Variants in WDPCP observed in about 807,000 individuals in gnomAD.
The protein encoded by WDPCP is WD repeat containing planar cell polarity effector.
In WDPCP, 71 loss-of-function variants were observed where a neutral mutation model predicts 93.1. That is an observed-to-expected ratio of 0.76 (90% CI 0.63 to 0.93). The LOEUF is 0.93. Among genes scored for constraint, WDPCP ranks in the 40% least tolerant of loss-of-function variants. The pLI is 0.00. For synonymous variants in WDPCP, 315 were observed against 315.0 expected, an observed-to-expected ratio of 1.00 and a Z score of 0.00; for missense variants, 844 against 887.4, an observed-to-expected ratio of 0.95 and a Z score of 0.62.
chr2:63,378,155 G>A (rs975997352), intron 12 of WDPCP: 10 of 533,306 alleles, frequency 1.9e-5, no homozygotes, highest in Non-Finnish European at 3.3e-5. Flanking sequence ...TATTAAAGAG[G>A]AAGGTATATT....
chr2:63,754,891 C>T (rs953653897), intron 2 of WDPCP, among the ~76,000 whole-genome samples: 17 of 152,146 alleles, frequency 1.1e-4, no homozygotes, highest in African/African-American at 4.1e-4. Context: ...AATTTCTTAG[C>T]TGAATGGTTC....
chr2:63,752,509 A>T, intron 2 of WDPCP: 1 of 750,284 alleles, frequency 1.3e-6, no homozygotes, highest in Non-Finnish European at 2.4e-6. Flanking sequence ...TCATGACCAC[A>T]CAGCTTGTGA....
chr2:63,433,670 A>T (rs1254401718), intron 9 of WDPCP, 75 bp downstream of exon 9: 3 of 1,347,830 alleles, frequency 2.2e-6, no homozygotes, highest in Non-Finnish European at 3.0e-6. Context: ...ATTCACATTT[A>T]TTTCAGAATA....
At chr2:63,809,317 G>A (rs558037726) in intron 2 of WDPCP, among the ~76,000 whole-genome samples, 5 of 149,804 alleles carry the variant, frequency 3.3e-5, no homozygotes, top group Admixed American at 6.6e-5. Flanking sequence ...CCAGCCAGCC[G>A]CCCCGTCCGG....
intron 2 of WDPCP, among the ~76,000 whole-genome samples, chr2:63,775,334 G>T (rs1035988177): frequency 1.3e-5 from 2 of 152,176 alleles, no homozygotes; most frequent in African/African-American, 4.8e-5. Context: ...GCACCTAATT[G>T]TAATGCGGTC....
chr2:63,495,427 T>C (rs1234798291), intron 1 of WDPCP, among the ~76,000 whole-genome samples: 1 of 152,194 alleles, frequency 6.6e-6, no homozygotes, highest in African/African-American at 2.4e-5. Context: ...TACAGTTAAG[T>C]TTTTTTCTTA....
chr2:63,567,911 A>C (rs557873654), intron 1 of WDPCP, among the ~76,000 whole-genome samples: 2 of 152,228 alleles, frequency 1.3e-5, no homozygotes, highest in Non-Finnish European at 2.9e-5. Context: ...TTTTGATATA[A>C]TTTGAATTAA....
At chr2:63,323,770 C>T (rs919939977) in intron 12 of WDPCP, among the ~76,000 whole-genome samples, 5 of 152,034 alleles carry the variant, frequency 3.3e-5, no homozygotes, top group Admixed American at 1.3e-4. Context: ...TGCAGGTTTT[C>T]GAGAATGCGT....
intron 1 of WDPCP, among the ~76,000 whole-genome samples, chr2:63,514,979 T>A (rs1007178851): frequency 6.6e-6 from 1 of 152,134 alleles, no homozygotes; most frequent in African/African-American, 2.4e-5. Flanking sequence ...TTGGTGCCAA[T>A]TCAGGCTGCA....
chr2:63,793,433 T>G (rs1670572125), intron 2 of WDPCP, among the ~76,000 whole-genome samples: 1 of 152,062 alleles, frequency 6.6e-6, no homozygotes, highest in Non-Finnish European at 1.5e-5. Flanking sequence ...AATAGCAAGA[T>G]CCCATCTCTA....
At chr2:63,403,156 G>A (rs1262140382) in intron 10 of WDPCP, among the ~76,000 whole-genome samples, 8 of 152,148 alleles carry the variant, frequency 5.3e-5, no homozygotes, top group African/African-American at 2.4e-5. Context: ...ATTATCCTTA[G>A]CAAACTAATG....
chr2:63,345,057 A>G (rs972289615), intron 12 of WDPCP, among the ~76,000 whole-genome samples: 3 of 152,198 alleles, frequency 2.0e-5, no homozygotes, highest in African/African-American at 7.2e-5. Flanking sequence ...CCTACTTAAC[A>G]GTTGCTTCAG....
chr2:63,475,473 C>T (rs1699923390), intron 6 of WDPCP, among the ~76,000 whole-genome samples: 1 of 152,092 alleles, frequency 6.6e-6, no homozygotes, highest in Non-Finnish European at 1.5e-5. Flanking sequence ...ACAAATATAA[C>T]ATTTAATATC....
chr2:63,608,767 G>A (rs982019772), intron 3 of WDPCP, among the ~76,000 whole-genome samples: 9 of 152,000 alleles, frequency 5.9e-5, no homozygotes, highest in African/African-American at 1.4e-4. Context: ...CTAGGATCAC[G>A]CCACTGCACT....
intron 2 of WDPCP, among the ~76,000 whole-genome samples, chr2:63,730,138 A>G (rs754399144): frequency 1.8e-4 from 28 of 152,168 alleles, no homozygotes; most frequent in South Asian, 4.1e-4. Flanking sequence ...ATTCCAAGCG[A>G]CATTTGTATG....
chr2:63,471,234 T>C (rs1441965954), intron 6 of WDPCP, among the ~76,000 whole-genome samples: 2 of 152,242 alleles, frequency 1.3e-5, no homozygotes, highest in Non-Finnish European at 1.5e-5. Flanking sequence ...TGGCATATTG[T>C]TGGTACTAAA....
At chr2:63,317,269 G>C (rs767763431) in intron 12 of WDPCP, among the ~76,000 whole-genome samples, 1 of 151,880 alleles carries the variant, frequency 6.6e-6, no homozygotes, top group South Asian at 2.1e-4. Context: ...TTAGCTGGGC[G>C]TGGTGGCGGG....
At chr2:63,319,183 T>C (rs1184249467) in intron 12 of WDPCP, among the ~76,000 whole-genome samples, 1 of 152,218 alleles carries the variant, frequency 6.6e-6, no homozygotes, top group Non-Finnish European at 1.5e-5. Context: ...TCATGATGTC[T>C]TTGTCAGAGC....
chr2:63,376,450 T>A (rs1691860845), intron 12 of WDPCP, among the ~76,000 whole-genome samples: 1 of 151,842 alleles, frequency 6.6e-6, no homozygotes, highest in African/African-American at 2.4e-5. Flanking sequence ...GAATAGAGCA[T>A]CCTAGAGCCA....
Sources: allele counts gnomAD v4.1 joint callset (sites outside exome capture counted in the v4.1 genomes callset), GRCh38; gene constraint gnomAD v4.1.1; transcripts MANE v1.5; gene names NCBI Gene and HGNC (gene_info 2026-07-23, HGNC 2026-07-21).